Variants in LRIG3 observed in about 807,000 individuals in gnomAD.
The protein encoded by LRIG3 is leucine-rich repeats and immunoglobulin-like domains protein 3.
LRIG3 carries 76 observed loss-of-function variants against 114.5 expected under a neutral mutation model. The ratio of observed to expected loss-of-function variants is 0.66; its 90% CI spans 0.55 to 0.80. The LOEUF is 0.80. Among genes scored for constraint, LRIG3 ranks in the 30% least tolerant of loss-of-function variants. The pLI, the probability that LRIG3 is intolerant of heterozygous loss-of-function variation, is 0.00. For synonymous variants in LRIG3, 512 were observed against 519.8 expected, an observed-to-expected ratio of 0.98 and a Z score of 0.20; for missense variants, 1,239 against 1,382.8, an observed-to-expected ratio of 0.90 and a Z score of 1.65.
intron 7 of LRIG3, 121 bp downstream of exon 7, chr12:58,888,208 G>GA: frequency 8.0e-7 from 1 of 1,247,556 alleles, no homozygotes; most frequent in Non-Finnish European, 1.1e-6. Flanking sequence ...GGTTGCATGT[G>GA]AAAAAAGCTG....
chr12:58,884,659 C>T (rs1241831562), intron 10 of LRIG3, among the ~76,000 whole-genome samples: 2 of 152,166 alleles, frequency 1.3e-5, no homozygotes, highest in East Asian at 3.9e-4. Flanking sequence ...AACTGCCGCA[C>T]TCACTGTCTG....
intron 16 of LRIG3, among the ~76,000 whole-genome samples, chr12:58,875,356 T>G (rs922839596): frequency 6.6e-6 from 1 of 152,224 alleles, no homozygotes; most frequent in South Asian, 2.1e-4. Flanking sequence ...TATGCTCAGA[T>G]CCTGTAACTC....
intron 10 of LRIG3, among the ~76,000 whole-genome samples, chr12:58,884,043 TACA>T (rs1401087010): frequency 6.6e-6 from 1 of 152,232 alleles, no homozygotes; most frequent in African/African-American, 2.4e-5. Flanking sequence ...CATTTATTCC[TACA>T]ACAACCCAAA....
chr12:58,908,005 A>G (rs1380239782), intron 3 of LRIG3, among the ~76,000 whole-genome samples: 1 of 152,198 alleles, frequency 6.6e-6, no homozygotes, highest in Non-Finnish European at 1.5e-5. Flanking sequence ...GGATTCTACA[A>G]TAACTATAGT....
intron 1 of LRIG3, among the ~76,000 whole-genome samples, chr12:58,918,210 G>A (rs1318297089): frequency 6.6e-6 from 1 of 152,186 alleles, no homozygotes; most frequent in Admixed American, 6.5e-5. Context: ...GGCTAGTATT[G>A]AGACAATTTA....
intron 16 of LRIG3, among the ~76,000 whole-genome samples, chr12:58,874,958 C>T (rs11172790): frequency 0.031 from 4,677 of 152,314 alleles, 109 homozygotes; most frequent in Admixed American, 0.048. Flanking sequence ...CTCAGCTAAA[C>T]ATATCATCTC....
chr12:58,918,268 A>C (rs551349038), intron 1 of LRIG3, among the ~76,000 whole-genome samples: 9 of 152,232 alleles, frequency 5.9e-5, no homozygotes, highest in Non-Finnish European at 1.3e-4. Flanking sequence ...AATAAACTCT[A>C]ATTTGTTTTT....
intron 12 of LRIG3, among the ~76,000 whole-genome samples, chr12:58,881,866 G>C (rs555826955): frequency 6.6e-6 from 1 of 152,216 alleles, no homozygotes; most frequent in East Asian, 1.9e-4. Flanking sequence ...GATTCACAAG[G>C]AAGTGAAAAA....
intron 3 of LRIG3, among the ~76,000 whole-genome samples, chr12:58,912,660 T>C (rs776015950): frequency 7.2e-5 from 11 of 152,188 alleles, no homozygotes; most frequent in Non-Finnish European, 1.3e-4. Flanking sequence ...AAGTATGCCA[T>C]GACCCTCAAG....
chr12:58,892,477 T>C (rs1565618452), intron 3 of LRIG3, among the ~76,000 whole-genome samples: 1 of 152,218 alleles, frequency 6.6e-6, no homozygotes, highest in Non-Finnish European at 1.5e-5. Context: ...TCTGCATTAT[T>C]GTAACTCATC....
chr12:58,879,571 C>T (rs1414845915), intron 13 of LRIG3, among the ~76,000 whole-genome samples: 2 of 152,194 alleles, frequency 1.3e-5, no homozygotes, highest in Admixed American at 1.3e-4. Flanking sequence ...CAGGCCACAG[C>T]CATCATTTGC....
intron 3 of LRIG3, among the ~76,000 whole-genome samples, chr12:58,906,506 T>G (rs996177065): frequency 6.6e-6 from 1 of 152,214 alleles, no homozygotes; most frequent in Admixed American, 6.5e-5. Context: ...AAGCTGTTTT[T>G]TTCATGGTCT....
At chr12:58,899,588 C>T (rs1408477658) in intron 3 of LRIG3, among the ~76,000 whole-genome samples, 1 of 152,030 alleles carries the variant, frequency 6.6e-6, no homozygotes, top group African/African-American at 2.4e-5. Context: ...ACATAGTACC[C>T]TTTCTTTTCT....
intron 3 of LRIG3, among the ~76,000 whole-genome samples, chr12:58,897,158 T>C (rs905935165): frequency 6.6e-6 from 1 of 152,182 alleles, no homozygotes; most frequent in Non-Finnish European, 1.5e-5. Flanking sequence ...AAAGAACACA[T>C]GTTTAGACTG....
intron 3 of LRIG3, among the ~76,000 whole-genome samples, chr12:58,896,922 G>T (rs1423567825): frequency 4.6e-5 from 7 of 152,092 alleles, no homozygotes; most frequent in Admixed American, 3.9e-4. Context: ...AACTGTTAAA[G>T]AAAACACTAC....
In LRIG3 at chr12:58,872,496, A is replaced by G. The variant is rs965844829; in HGVS notation, c.*76T>C. The stretch of plus-strand genomic sequence containing the variant: ...TAAAATTCATAACTCCATTTAAAAA[A>G]CATAAGATTCTCTCTCTTTTAAATA... On this transcript the variant is annotated 3_prime_UTR_variant, in exon 19 of 19. Coordinates refer to ENST00000320743, the MANE Select transcript of LRIG3 (RefSeq NM_153377.5). 1.4e-6 allele frequency: 2 copies of G among 1,422,574 alleles called. No homozygotes were observed. The highest frequency in any genetic ancestry group is 4.9e-5 in the Admixed American group (2 of 40,566). 88.1% of individuals were successfully genotyped at this position (1,422,574 alleles called of 1,614,324 possible). A position where few individuals can be genotyped will look rare whatever the true frequency, so the allele number is the denominator to read the frequency against.
intron 3 of LRIG3, among the ~76,000 whole-genome samples, chr12:58,902,631 C>CAT (rs1218450163): frequency 6.6e-6 from 1 of 150,814 alleles, no homozygotes; most frequent in Non-Finnish European, 1.5e-5. Context: ...GTGCAGGCTA[C>CAT]ATATATATAC....
Position 58,874,030 on chromosome 12 carries a change from G to A in LRIG3, c.3115+25C>T, listed in dbSNP as rs777523389. ...CTTGGAGTATGGATCCTCAGACGAG[G>A]TACCTGATAACTTAATAAACTTACC... On this transcript the variant is annotated intron_variant, in intron 18 of 18. Coordinates refer to ENST00000320743, the MANE Select transcript of LRIG3 (RefSeq NM_153377.5). 2.5e-6 allele frequency: 4 copies of A among 1,612,636 alleles called. No individual in the cohort carries two copies. The African/African-American group carries it at 5.3e-5, about 22-fold the overall frequency.
At chr12:58,898,451 T>C (rs1389397913) in intron 3 of LRIG3, among the ~76,000 whole-genome samples, 2 of 152,174 alleles carry the variant, frequency 1.3e-5, no homozygotes, top group Non-Finnish European at 2.9e-5. Flanking sequence ...ACCCTCCCTC[T>C]TGGGGGTTTC....
Sources: gnomAD v4.1 joint callset for allele counts (sites outside exome capture counted in the v4.1 genomes callset) on GRCh38, gnomAD v4.1.1 for gene constraint, MANE v1.5 for transcripts, NCBI Gene and HGNC (gene_info 2026-07-23, HGNC 2026-07-21) for gene names.